The following GANC variants were observed in gnomAD, a reference collection of about 807,000 sequenced individuals.
GANC encodes the protein glucosidase alpha, neutral C.
GANC carries 117 observed loss-of-function variants against 124.2 expected under a neutral mutation model. The ratio of observed to expected loss-of-function variants is 0.94; its 90% CI spans 0.81 to 1.10. The LOEUF (loss-of-function observed/expected upper bound fraction) is 1.10, where lower values mean the gene tolerates loss of function less well. Among genes scored for constraint, GANC ranks in the 50% least tolerant of loss-of-function variants. The pLI is 0.00. For missense variants in GANC, 1,140 were observed against 1,095.0 expected, an observed-to-expected ratio of 1.04 and a Z score of -0.58; for synonymous variants, 377 against 376.8, an observed-to-expected ratio of 1.00 and a Z score of -0.01.
At chr15:42,341,656 G>A (rs748354781) in intron 18 of GANC, among the ~76,000 whole-genome samples, 10 of 151,632 alleles carry the variant, frequency 6.6e-5, no homozygotes, top group South Asian at 2.1e-4. Flanking sequence ...CTCTGCCTCC[G>A]GGGCTCAAGC....
chr15:42,302,629 A>C (rs1021619591), intron 6 of GANC, among the ~76,000 whole-genome samples: 1 of 152,178 alleles, frequency 6.6e-6, no homozygotes, highest in Non-Finnish European at 1.5e-5. Context: ...GGAATTGCTA[A>C]CTAGAATAAC....
At chr15:42,304,588 T>A (rs2051975855) in intron 6 of GANC, among the ~76,000 whole-genome samples, 1 of 152,196 alleles carries the variant, frequency 6.6e-6, no homozygotes, top group African/African-American at 2.4e-5. Context: ...TACCATTGAC[T>A]TTCTTCACAA....
intron 15 of GANC, among the ~76,000 whole-genome samples, chr15:42,333,428 T>G (rs149963902): frequency 6.6e-6 from 1 of 152,290 alleles, no homozygotes; most frequent in East Asian, 1.9e-4. Context: ...TGGTAGAAGA[T>G]AGACAAAAAT....
chr15:42,342,396 A>G (rs577172029), intron 18 of GANC, among the ~76,000 whole-genome samples: 1 of 152,270 alleles, frequency 6.6e-6, no homozygotes, highest in East Asian at 1.9e-4. Context: ...AGCCTGGGCA[A>G]TATAGCAAGA....
At position 42,349,398 on chromosome 15, in the gene GANC, G is replaced by A. The variant is rs1487464405; in HGVS notation, c.2434G>A (p.Glu812Lys). 6.2e-7 allele frequency: 1 copy of A among 1,609,604 alleles called. No individual in the cohort carries two copies. The highest frequency in any genetic ancestry group is 1.3e-5 in the African/African-American group (1 of 74,856). Residue 812 changes from glutamate to lysine, a missense_variant, in exon 22 of 24, where the codon GAG becomes AAG. By Grantham distance (56) the Glu-to-Lys change is moderately conservative. Transcript: ENST00000318010. The stretch of plus-strand genomic sequence containing the variant: ...CATTCTCCAGGGTTCTTCAGTGGGT[G>A]AGTTATATCTTGATGATGGCCATTC... ...ALSTKGSSVG[E>K]LYLDDGHSFQ...
chr15:42,287,067 C>T (rs1366531934), intron 3 of GANC, among the ~76,000 whole-genome samples: 2 of 152,216 alleles, frequency 1.3e-5, no homozygotes, highest in Non-Finnish European at 2.9e-5. Context: ...TACATTGTTT[C>T]CGTGTCCCAC....
At chr15:42,316,435 A>G (rs1397821141) in intron 10 of GANC, among the ~76,000 whole-genome samples, 2 of 152,184 alleles carry the variant, frequency 1.3e-5, no homozygotes, top group African/African-American at 4.8e-5. Flanking sequence ...AGGTCAAGCA[A>G]GTCACGTGAT....
At position 42,274,434 on chromosome 15, in the gene GANC, G is replaced by A. The variant is rs2051632005; in HGVS notation, c.-48G>A. 1 of 1,598,696 alleles carries A rather than the reference G, an allele frequency of 6.3e-7. No individual in the cohort carries two copies. Among genetic ancestry groups the A allele is most frequent in the Non-Finnish European group, 8.5e-7 (1 of 1,172,532 alleles). On this transcript the variant is annotated 5_prime_UTR_variant, in exon 1 of 24. Coordinates refer to ENST00000318010, the MANE Select transcript of GANC (RefSeq NM_198141.3). The stretch of plus-strand genomic sequence containing the variant: ...ATCGGCTTTTTTAAAAGATCGCCCA[G>A]GGCCCTTGTCCTGAGAGCTGGGAGC...
At position 42,292,767 on chromosome 15, in the gene GANC, T is replaced by A; in HGVS notation, c.362T>A (p.Leu121Gln). The part of the protein sequence containing the change: ...LISCSGDTGS[L>Q]ILADGKGDLK... ...TCATGCTCTGGGGACACAGGCAGTC[T>A]GATATTGGCAGATGGAAAAGGAGAC... is the stretch of plus-strand genomic sequence containing the variant. The change falls in exon 5 of 24, where the codon CTG becomes CAG. Residue 121 changes from leucine (L) to glutamine (Q), a missense_variant. Coordinates refer to ENST00000318010, the MANE Select transcript of GANC (RefSeq NM_198141.3). 6.2e-7 allele frequency: 1 copy of A among 1,614,054 alleles called. No individual in the cohort carries two copies. The highest frequency in any genetic ancestry group is 8.5e-7 in the Non-Finnish European group (1 of 1,179,936).
At chr15:42,275,082 G>C (rs894324702) in intron 1 of GANC, among the ~76,000 whole-genome samples, 2 of 152,152 alleles carry the variant, frequency 1.3e-5, no homozygotes, top group Non-Finnish European at 2.9e-5. Flanking sequence ...TTGTACACTT[G>C]ATTAAAATAA....
In GANC at chr15:42,352,114, C is replaced by G. The variant is rs749818768; in HGVS notation, c.2720C>G (p.Thr907Ser). 6 of 1,614,080 alleles carry G rather than the reference C, an allele frequency of 3.7e-6. No individual in the cohort carries two copies. The highest frequency in any genetic ancestry group is 5.1e-6 in the Non-Finnish European group (6 of 1,180,024). Residue 907 changes from threonine (T) to serine (S), a missense_variant, in exon 24 of 24, where the codon ACT (threonine) becomes AGT (serine). Coordinates refer to ENST00000318010, the MANE Select transcript of GANC (RefSeq NM_198141.3). Reference sequence around the variant, plus strand: ...GAGAAGCTCTCACTCAACATTGCCACTGACTGGGAGGTCCGCATCATATGA... The same window carrying G: ...GAGAAGCTCTCACTCAACATTGCCAGTGACTGGGAGGTCCGCATCATATGA... ...SLEKLSLNIATDWEVRII is the reference protein window; with the variant it reads ...SLEKLSLNIASDWEVRII
chr15:42,330,828 C>T (rs2052239202), intron 15 of GANC, among the ~76,000 whole-genome samples, 156 bp downstream of exon 15: 1 of 145,372 alleles, frequency 6.9e-6, no homozygotes, highest in Admixed American at 7.0e-5. Context: ...CGCTTTGTCA[C>T]CCAGGCTGGA....
rs1595786051 is a variant in GANC at position 42,345,609 on chromosome 15, C to T, written c.2230-149C>T. ...ATCTTCCTAAAAGCACGTATTCTTC[C>T]TAACTTCTACCCAATATATTTTTTA... On this transcript the variant is annotated intron_variant, in intron 19 of 23. Transcript: ENST00000318010. The T allele has an allele frequency of 3.5e-6, 2 of 577,538 alleles. 1 individual carries two copies. Among genetic ancestry groups the T allele is most frequent in the Non-Finnish European group, 6.2e-6 (2 of 324,650 alleles). The allele number at this position is 577,538 out of a possible 1,614,324, so 35.8% of individuals were successfully genotyped here. A position where few individuals can be genotyped will look rare whatever the true frequency, so the allele number is the denominator to read the frequency against.
intron 15 of GANC, among the ~76,000 whole-genome samples, chr15:42,334,234 T>C (rs985697170): frequency 6.6e-6 from 1 of 151,856 alleles, no homozygotes; most frequent in Non-Finnish European, 1.5e-5. Context: ...TCATCTCAGA[T>C]CACTGCAACC....
At chr15:42,284,219 G>C (rs947294424) in intron 3 of GANC, 4 of 577,696 alleles carry the variant, frequency 6.9e-6, no homozygotes, top group South Asian at 4.4e-5. Context: ...TGTGTTCTAG[G>C]GCTGTTTGTT....
rs753382605 is a variant in GANC at position 42,273,212 on chromosome 15, C to G, written c.-1270C>G. 3.7e-6 allele frequency: 6 copies of G among 1,610,028 alleles called. No homozygotes were observed. Among genetic ancestry groups the G allele is most frequent in the South Asian group, 2.2e-5 (2 of 90,986 alleles). On this transcript the variant is annotated 5_prime_UTR_variant, in exon 1 of 24. Coordinates refer to ENST00000318010, the MANE Select transcript of GANC (RefSeq NM_198141.3). ...CCCCTTGGGCCGCCGTAGCCCCACCCCTTGCTCCTCTAGGTTCAGACGTTA... is the reference window on the plus strand; with the variant it reads ...CCCCTTGGGCCGCCGTAGCCCCACCGCTTGCTCCTCTAGGTTCAGACGTTA...
rs16973119 is a variant in GANC at position 42,344,105 on chromosome 15, G to A, written c.2229+951G>A. 6.6e-3 allele frequency among the ~76,000 whole-genome samples: 1,011 copies of A among 152,326 alleles called. 6 individuals carry two copies. The highest frequency in any genetic ancestry group is 0.017 in the Middle Eastern group (5 of 294). On this transcript the variant is annotated intron_variant, in intron 19 of 23. Coordinates refer to ENST00000318010, the MANE Select transcript of GANC (RefSeq NM_198141.3). The stretch of plus-strand genomic sequence containing the variant: ...ACCCCATGAAACCACATCCAGCGCC[G>A]TGCTCTCCCTCAACATAGCTTTACA...
At chr15:42,317,363 T>C (rs1290463820) in intron 10 of GANC, among the ~76,000 whole-genome samples, 1 of 152,162 alleles carries the variant, frequency 6.6e-6, no homozygotes, top group African/African-American at 2.4e-5. Context: ...GATATGCAAA[T>C]TTGTCAAGAC....
chr15:42,335,513 T>A (rs1595782183), intron 15 of GANC, among the ~76,000 whole-genome samples: 1 of 152,160 alleles, frequency 6.6e-6, no homozygotes, highest in East Asian at 1.9e-4. Context: ...CACATCATAC[T>A]AAATGGGCAA....
Sources: gnomAD v4.1 joint callset for allele counts (sites outside exome capture counted in the v4.1 genomes callset) on GRCh38, gnomAD v4.1.1 for gene constraint, MANE v1.5 for transcripts, NCBI Gene and HGNC (gene_info 2026-07-23, HGNC 2026-07-21) for gene names.